Variants in UBQLN4 observed in about 807,000 individuals in gnomAD.
UBQLN4 encodes the protein ubiquilin 4, also known as ubiquilin-4.
UBQLN4 carries 11 observed loss-of-function variants against 60.4 expected under a neutral mutation model. The observed-to-expected ratio is 0.18, with a 90% CI of 0.11 to 0.30. The LOEUF (loss-of-function observed/expected upper bound fraction) is 0.30. Ranked by LOEUF, UBQLN4 falls within the 10% of genes least tolerant of loss-of-function variation. The pLI, the probability that UBQLN4 is intolerant of heterozygous loss-of-function variation, is 1.00. For synonymous variants in UBQLN4, 258 were observed against 313.1 expected (o/e 0.82, Z 1.86); for missense variants, 417 against 795.5 (o/e 0.52, Z 5.72).
Position 156,053,594 on chromosome 1 carries a change from C to T in UBQLN4, c.108G>A (p.Glu36=). 1 of 1,356,148 alleles carries T rather than the reference C, an allele frequency of 7.4e-7. No individual in the cohort carries two copies. Among genetic ancestry groups the T allele is most frequent in the Non-Finnish European group, 9.6e-7 (1 of 1,045,712 alleles). 84.0% of individuals were successfully genotyped at this position (1,356,148 alleles called of 1,614,324 possible). ...IVICDRASVK[E]FKEEISRRFK... ...CCCCGCCCCCCGCCTGCTGTACTAC[C>T]TCCTTGACCGAGGCTCGATCGCAGA... The change falls in exon 1 of 11, where the codon GAG becomes GAA. Residue 36 remains glutamate, a splice_region_variant and synonymous_variant. Coordinates refer to ENST00000368309, the MANE Select transcript of UBQLN4 (RefSeq NM_020131.5).
downstream of UBQLN4, chr1:156,033,386 T>G: frequency 1.3e-6 from 1 of 756,744 alleles, no homozygotes; most frequent in Non-Finnish European, 1.6e-6. Context: ...TTTTTTTGTT[T>G]TGTTTTGTTT....
intron 10 of UBQLN4, 148 bp downstream of exon 10, chr1:156,041,337 G>A: frequency 2.7e-6 from 2 of 745,606 alleles, no homozygotes; most frequent in Non-Finnish European, 4.1e-6. Context: ...TGAACTCAGG[G>A]AGCATCAGTA....
chr1:156,042,317 C>G (rs910035447), intron 7 of UBQLN4, 81 bp from the exon 8 acceptor site: 4 of 1,479,736 alleles, frequency 2.7e-6, no homozygotes, highest in Non-Finnish European at 3.6e-6. Context: ...TCCCTGGGCA[C>G]CCCCTACCAC....
Position 156,041,593 on chromosome 1 carries a change from A to T in UBQLN4, c.1545T>A (p.Thr515=). Residue 515 remains threonine (T), a synonymous_variant, in exon 10 of 11, where the codon ACT becomes ACA. Coordinates refer to ENST00000368309, the MANE Select transcript of UBQLN4 (RefSeq NM_020131.5). ...ATGTGGCTGGCGTGGCTGGTGAGGAAGTGGGGGCCTCGGGCGTAGACCCTG... is the reference window on the plus strand; with the variant it reads ...ATGTGGCTGGCGTGGCTGGTGAGGATGTGGGGGCCTCGGGCGTAGACCCTG... ...SNAGSTPEAP[T]SSPATPATSS... The T allele has an allele frequency of 6.2e-7, 1 of 1,612,616 alleles. No homozygotes were observed. Among genetic ancestry groups the T allele is most frequent in the Non-Finnish European group, 8.5e-7 (1 of 1,179,378 alleles).
chr1:156,047,906 A>G (rs919861807), intron 5 of UBQLN4, among the ~76,000 whole-genome samples: 15 of 151,876 alleles, frequency 9.9e-5, no homozygotes, highest in East Asian at 3.9e-4. Context: ...AAAAAAAAAA[A>G]AAAGAAAGAA....
downstream of UBQLN4, among the ~76,000 whole-genome samples, chr1:156,034,861 ATATATAT>A: frequency 1.5e-5 from 1 of 67,822 alleles, no homozygotes; most frequent in Non-Finnish European, 3.0e-5. Context: ...ATATATATAT[ATATATAT>A]ATAATTTTTT....
chr1:156,036,489 G>A lies in UBQLN4; in HGVS notation c.*489C>T. ...AGGAAAATTACCACCTGTTTCACCT[G>A]CTCCTCCTTCAGAGCAAGAAATTCT... On this transcript the variant is annotated 3_prime_UTR_variant, in exon 11 of 11. Transcript: ENST00000368309. 1.0e-6 allele frequency: 1 copy of A among 986,310 alleles called. No homozygotes were observed. The highest frequency in any genetic ancestry group is 1.2e-6 in the Non-Finnish European group (1 of 830,464). The allele number at this position is 986,310 out of a possible 1,614,324, so 61.1% of individuals were successfully genotyped here. A position where few individuals can be genotyped will look rare whatever the true frequency, so the allele number is the denominator to read the frequency against.
chr1:156,052,865 C>T (rs1683910519), intron 1 of UBQLN4, among the ~76,000 whole-genome samples: 1 of 152,172 alleles, frequency 6.6e-6, no homozygotes, highest in African/African-American at 2.4e-5. Context: ...CCAAATTCTA[C>T]CAGCCCCTCC....
At chr1:156,053,485 C>T (rs542621644) in intron 1 of UBQLN4, 109 bp downstream of exon 1, 308 of 880,316 alleles carry the variant, frequency 3.5e-4, no homozygotes, top group African/African-American at 3.3e-3. Flanking sequence ...CCAGCCGGCC[C>T]CCGCCCTCCT....
At chr1:156,052,362 TG>T (rs1426093190) in intron 1 of UBQLN4, among the ~76,000 whole-genome samples, 1 of 152,276 alleles carries the variant, frequency 6.6e-6, no homozygotes, top group Non-Finnish European at 1.5e-5. Flanking sequence ...AGTCTCGCTC[TG>T]TAGCCCAGGC....
chr1:156,050,421 A>G lies in UBQLN4; in HGVS notation c.611T>C (p.Leu204Pro), dbSNP rs780619793. The change falls in exon 4 of 11, where the codon CTG becomes CCG. Residue 204 changes from leucine (L) to proline (P), a missense_variant. Leu to Pro is a moderately conservative substitution (Grantham distance 98, BLOSUM62 -3). Transcript: ENST00000368309. The surrounding 1 kb of genome is among the most constrained non-coding windows in gnomAD (Gnocchi z 4.6). ...EMLSQIMENP[L>P]VQDMMSNPDL... ...AGGGTTAGACATCATATCCTGGACC[A>G]GGGGGTTCTCCATGATCTGTGACAG... is the stretch of plus-strand genomic sequence containing the variant. 1 of 1,613,928 alleles carries G rather than the reference A, an allele frequency of 6.2e-7. No individual in the cohort carries two copies. Among genetic ancestry groups the G allele is most frequent in the Non-Finnish European group, 8.5e-7 (1 of 1,180,026 alleles).
Position 156,042,191 on chromosome 1 carries a change from C to T in UBQLN4, c.1312G>A (p.Glu438Lys). 2 of 1,608,216 alleles carry T rather than the reference C, an allele frequency of 1.2e-6. No individual in the cohort carries two copies. The change falls in exon 8 of 11, where the codon GAG (glutamate) becomes AAG (lysine). Residue 438 changes from glutamate to lysine, a missense_variant. Glu to Lys is a moderately conservative substitution (Grantham distance 56). Coordinates refer to ENST00000368309, the MANE Select transcript of UBQLN4 (RefSeq NM_020131.5). ...ACTGGGAGCTGCAGGCGGAGCTGCT[C>T]CTGCAGTTGGGGGTTCCCCGCGAAG... ...PLFAGNPQLQ[E>K]QLRLQLPVFL...
chr1:156,051,571 T>A, intron 2 of UBQLN4, 135 bp downstream of exon 2: 1 of 1,299,590 alleles, frequency 7.7e-7, no homozygotes, highest in Non-Finnish European at 1.1e-6. Flanking sequence ...CCCCTAGAGA[T>A]GAGATCATAT....
At chr1:156,053,540 T>C in intron 1 of UBQLN4, 54 bp downstream of exon 1, 1 of 920,478 alleles carries the variant, frequency 1.1e-6, no homozygotes, top group Non-Finnish European at 1.4e-6. Flanking sequence ...AGGCCCCCCA[T>C]CTCTTCGCAG....
Position 156,050,277 on chromosome 1 carries a change from C to A in UBQLN4, c.741+14G>T. ...CACCAGTGTCCTCCAGCTCTCCAGCCCTCTCATACTCACCTGCCTCATGAG... is the reference window on the plus strand; with the variant it reads ...CACCAGTGTCCTCCAGCTCTCCAGCACTCTCATACTCACCTGCCTCATGAG... On this transcript the variant is annotated intron_variant, in intron 4 of 10. Transcript: ENST00000368309. The surrounding 1 kb of genome is among the most constrained non-coding windows in gnomAD (Gnocchi z 4.6). 1 of 1,546,052 alleles carries A rather than the reference C, an allele frequency of 6.5e-7. No homozygotes were observed. Among genetic ancestry groups the A allele is most frequent in the Non-Finnish European group, 8.8e-7 (1 of 1,140,748 alleles).
intron 6 of UBQLN4, among the ~76,000 whole-genome samples, chr1:156,043,551 G>A (rs1683622159): frequency 6.6e-6 from 1 of 152,174 alleles, no homozygotes; most frequent in Non-Finnish European, 1.5e-5. Flanking sequence ...CCCAGGCCAT[G>A]TGTACAGTCA....
chr1:156,044,527 C>T (rs1388021428), intron 5 of UBQLN4, among the ~76,000 whole-genome samples: 3 of 152,134 alleles, frequency 2.0e-5, no homozygotes. Flanking sequence ...ACCCACCGCA[C>T]TTTACACACA....
At chr1:156,039,284 CTTG>C (rs201004053) in intron 10 of UBQLN4, among the ~76,000 whole-genome samples, 2,235 of 119,716 alleles carry the variant, frequency 0.019, 26 homozygotes, top group Middle Eastern at 0.043. Flanking sequence ...GAGTTTCACT[CTTG>C]TTGCCCAGGC....
chr1:156,031,684 T>G (rs1355305724), downstream of UBQLN4, among the ~76,000 whole-genome samples: 1 of 151,132 alleles, frequency 6.6e-6, no homozygotes, highest in Non-Finnish European at 1.5e-5. Context: ...GTTCAAGCAA[T>G]TCTCCTGCCT....
Sources: gnomAD v4.1 joint callset for allele counts (sites outside exome capture counted in the v4.1 genomes callset) on GRCh38, gnomAD v4.1.1 for gene constraint, Gnocchi (gnomAD v3.1) non-coding constraint, MANE v1.5 for transcripts, NCBI Gene and HGNC (gene_info 2026-07-23, HGNC 2026-07-21) for gene names.